Variants in TRIM71 observed in about 807,000 individuals in gnomAD.
The protein encoded by TRIM71 is tripartite motif containing 71.
In TRIM71, 9 loss-of-function variants were observed where a neutral mutation model predicts 61.2. That is an observed-to-expected ratio of 0.15 (90% CI 0.09 to 0.26). TRIM71 has a LOEUF of 0.26. Among genes scored for constraint, TRIM71 ranks in the 10% least tolerant of loss-of-function variants. The probability of loss-of-function intolerance (pLI) is 1.00; values close to 1 mark genes in which losing one functional copy is unlikely to be tolerated. For synonymous variants in TRIM71, 645 were observed against 553.2 expected, an observed-to-expected ratio of 1.17 and a Z score of -2.33; for missense variants, 998 against 1,238.7, an observed-to-expected ratio of 0.81 and a Z score of 2.92.
At chr3:32,846,166 C>A (rs1462576835) in intron 1 of TRIM71, among the ~76,000 whole-genome samples, 1 of 150,974 alleles carries the variant, frequency 6.6e-6, no homozygotes, top group Non-Finnish European at 1.5e-5. Context: ...AGCTCCGCCT[C>A]CCGGGTTCAC....
rs1241571467 is a variant in TRIM71, at chr3:32,890,678, G to A, written c.1474G>A (p.Asp492Asn). Residue 492 changes from aspartate (D) to asparagine (N), a missense_variant, in exon 4 of 4, where the codon GAT (aspartate) becomes AAT (asparagine). Coordinates refer to ENST00000383763, the MANE Select transcript of TRIM71 (RefSeq NM_001039111.3). The surrounding 1 kb of genome is among the most constrained non-coding windows in gnomAD (Gnocchi z 6.2). ...TGCCCCACTCACCAAGGCCACAGGC[G>A]ATGGCCTCAAGCGTGCCCTCCAGGG... is the stretch of plus-strand genomic sequence containing the variant. Reference protein sequence around the residue: ...AFAPLTKATGDGLKRALQGKV... With the variant: ...AFAPLTKATGNGLKRALQGKV... 1.4e-5 allele frequency: 22 copies of A among 1,613,854 alleles called. No individual in the cohort carries two copies. Among genetic ancestry groups the A allele is most frequent in the Non-Finnish European group, 1.7e-5 (20 of 1,180,044 alleles).
rs1696088788 is a variant in TRIM71 at position 32,818,573 on chromosome 3, C to G, written c.493C>G (p.Pro165Ala). 3 of 1,274,940 alleles carry G rather than the reference C, an allele frequency of 2.4e-6. No homozygotes were observed. Among genetic ancestry groups the G allele is most frequent in the East Asian group, 6.5e-5 (2 of 30,812 alleles). The allele number at this position is 1,274,940 out of a possible 1,614,324, so 79.0% of individuals were successfully genotyped here. A position where few individuals can be genotyped will look rare whatever the true frequency, so the allele number is the denominator to read the frequency against. The change falls in exon 1 of 4, where the codon CCG (proline) becomes GCG (alanine). Residue 165 changes from proline (P) to alanine (A), a missense_variant. This residue lies in a region of TRIM71 where 527 missense variants were observed against 427.8 expected (regional missense o/e 1.23). Coordinates refer to ENST00000383763, the MANE Select transcript of TRIM71 (RefSeq NM_001039111.3). Reference sequence around the variant, plus strand: ...GCACCCGCGCGCGTCCGCCTCCGCGCCGCCACTCCCGCAGGCGCCGCAGCC... The same window carrying G: ...GCACCCGCGCGCGTCCGCCTCCGCGGCGCCACTCCCGCAGGCGCCGCAGCC... ...HAHPRASASA[P>A]PLPQAPQPPA...
chr3:32,884,388 A>C (rs565567182), intron 2 of TRIM71, among the ~76,000 whole-genome samples: 16 of 152,246 alleles, frequency 1.1e-4, no homozygotes, highest in African/African-American at 3.6e-4. Context: ...TTGTATGATG[A>C]TGCCATCTAT....
intron 2 of TRIM71, among the ~76,000 whole-genome samples, chr3:32,878,620 AAATAAATG>A (rs895174849): frequency 7.4e-5 from 11 of 148,602 alleles, no homozygotes; most frequent in African/African-American, 1.6e-4. Context: ...TGTCTCAAAA[AAATAAATG>A]AATAAATAAA....
intron 3 of TRIM71, among the ~76,000 whole-genome samples, chr3:32,887,769 T>C (rs1009650612): frequency 6.6e-6 from 1 of 152,164 alleles, no homozygotes; most frequent in African/African-American, 2.4e-5. Flanking sequence ...TGGGCAAATA[T>C]TCTTTAATCT....
intron 1 of TRIM71, among the ~76,000 whole-genome samples, chr3:32,838,876 C>T (rs756874363): frequency 6.2e-4 from 95 of 152,270 alleles, no homozygotes; most frequent in Non-Finnish European, 4.3e-4. Flanking sequence ...TCTCAGCTCA[C>T]AGCAACCTCC....
chr3:32,885,987 G>A lies in TRIM71; in HGVS notation c.1074G>A (p.Lys358=). The A allele has an allele frequency of 1.2e-6, 2 of 1,614,226 alleles. No homozygotes were observed. Among genetic ancestry groups the A allele is most frequent in the East Asian group, 2.2e-5 (1 of 44,890 alleles). ...TVAEQVEMKA[K]VVQSEVKAVT... is the part of the protein sequence containing the mutation. The stretch of plus-strand genomic sequence containing the variant: ...CGGAACAGGTGGAGATGAAGGCGAA[G>A]GTTGTGCAGTCGGAGGTCAAAGCCG... Residue 358 remains lysine (K), a synonymous_variant, in exon 3 of 4, where the codon AAG becomes AAA. Transcript: ENST00000383763.
chr3:32,879,900 G>T (rs1696889458), intron 2 of TRIM71, among the ~76,000 whole-genome samples: 1 of 151,718 alleles, frequency 6.6e-6, no homozygotes, highest in South Asian at 2.1e-4. Flanking sequence ...GGTTGAGGTT[G>T]CAGTGAGCCA....
chr3:32,878,093 T>C (rs1302374932), intron 2 of TRIM71, among the ~76,000 whole-genome samples: 1 of 152,234 alleles, frequency 6.6e-6, no homozygotes, highest in Admixed American at 6.5e-5. Flanking sequence ...GCTATCGCCT[T>C]ACGAAGTTTA....
In TRIM71 at chr3:32,890,512, G is replaced by C; in HGVS notation, c.1308G>C (p.Arg436=). 1.9e-6 allele frequency: 3 copies of C among 1,614,184 alleles called. No homozygotes were observed. Among genetic ancestry groups the C allele is most frequent in the South Asian group, 1.1e-5 (1 of 91,086 alleles). ...TAGACATCCTACTGGCCCGAGACCGGATGCTGGCCCAGGTGCAGGAGCTGA... is the reference window on the plus strand; with the variant it reads ...TAGACATCCTACTGGCCCGAGACCGCATGCTGGCCCAGGTGCAGGAGCTGA... ...RALDILLARD[R]MLAQVQELKT... Residue 436 remains arginine, a synonymous_variant, in exon 4 of 4, where the codon CGG becomes CGC. Transcript: ENST00000383763. This position sits in a 1 kb window ranked among gnomAD's most constrained non-coding sequence, Gnocchi z 6.2.
At chr3:32,849,911 A>G (rs1696519166) in intron 1 of TRIM71, among the ~76,000 whole-genome samples, 1 of 152,244 alleles carries the variant, frequency 6.6e-6, no homozygotes, top group African/African-American at 2.4e-5. Flanking sequence ...AGTTGTGCAC[A>G]CAAATTGAAG....
intron 1 of TRIM71, among the ~76,000 whole-genome samples, chr3:32,873,222 C>T (rs1696817962): frequency 6.6e-6 from 1 of 152,130 alleles, no homozygotes; most frequent in Admixed American, 6.6e-5. Flanking sequence ...AGCTGGCTGA[C>T]CTTACCACTA....
chr3:32,872,465 C>G (rs764727383), intron 1 of TRIM71, among the ~76,000 whole-genome samples: 11 of 152,238 alleles, frequency 7.2e-5, no homozygotes, highest in Middle Eastern at 3.4e-3. Flanking sequence ...CAGCAGTCTC[C>G]CTCTGTTTGC....
At chr3:32,829,382 CTG>C (rs1245738476) in intron 1 of TRIM71, among the ~76,000 whole-genome samples, 1 of 151,952 alleles carries the variant, frequency 6.6e-6, no homozygotes, top group Non-Finnish European at 1.5e-5. Context: ...GGGGGTTTCT[CTG>C]TGTTGGTCAG....
chr3:32,871,118 G>A (rs913668047), intron 1 of TRIM71, among the ~76,000 whole-genome samples: 1 of 152,110 alleles, frequency 6.6e-6, no homozygotes, highest in Non-Finnish European at 1.5e-5. Context: ...TCTCTATTAG[G>A]TAGACTTTCT....
intron 1 of TRIM71, among the ~76,000 whole-genome samples, chr3:32,862,363 C>T (rs1283125856): frequency 1.3e-5 from 2 of 152,204 alleles, no homozygotes; most frequent in Non-Finnish European, 2.9e-5. Context: ...CAGTTTTACC[C>T]AGGTGATGAG....
At chr3:32,843,244 A>G (rs912993127) in intron 1 of TRIM71, among the ~76,000 whole-genome samples, 1 of 152,138 alleles carries the variant, frequency 6.6e-6, no homozygotes, top group Non-Finnish European at 1.5e-5. Flanking sequence ...TCTGGCCTGC[A>G]TGGTAGCAGG....
chr3:32,865,156 C>T (rs370863701), intron 1 of TRIM71, among the ~76,000 whole-genome samples: 18 of 152,074 alleles, frequency 1.2e-4, no homozygotes, highest in East Asian at 7.7e-4. Flanking sequence ...GATGAAACCC[C>T]GTCTCTACTA....
At chr3:32,835,511 G>A (rs1291336289) in intron 1 of TRIM71, among the ~76,000 whole-genome samples, 2 of 152,148 alleles carry the variant, frequency 1.3e-5, no homozygotes, top group African/African-American at 4.8e-5. Flanking sequence ...TGTTTTAAAT[G>A]TGTTTAAAAG....
Sources: gnomAD v4.1 joint callset for allele counts (sites outside exome capture counted in the v4.1 genomes callset) on GRCh38, gnomAD v4.1.1 for gene constraint, gnomAD v4.1.1 regional missense constraint, Gnocchi (gnomAD v3.1) non-coding constraint, MANE v1.5 for transcripts, NCBI Gene and HGNC (gene_info 2026-07-23, HGNC 2026-07-21) for gene names.